Variants in TRPC7 observed in about 807,000 individuals in gnomAD.
TRPC7 encodes short transient receptor potential channel 7.
In TRPC7, 42 loss-of-function variants were observed where a neutral mutation model predicts 90.1. That is an observed-to-expected ratio of 0.47 (90% CI 0.36 to 0.60). The LOEUF (loss-of-function observed/expected upper bound fraction) is 0.60. Among genes scored for constraint, TRPC7 ranks in the 20% least tolerant of loss-of-function variants. The pLI, the probability that TRPC7 is intolerant of heterozygous loss-of-function variation, is 0.00. For synonymous variants in TRPC7, 451 were observed against 436.3 expected, an observed-to-expected ratio of 1.03 and a Z score of -0.42; for missense variants, 955 against 1,112.3, an observed-to-expected ratio of 0.86 and a Z score of 2.01.
chr5:136,222,942 G>T (rs1245682158), intron 10 of TRPC7, among the ~76,000 whole-genome samples: 2 of 152,184 alleles, frequency 1.3e-5, no homozygotes, highest in Admixed American at 1.3e-4. Context: ...CTGCATCCAG[G>T]TATCTTTTAG....
At chr5:136,346,255 A>T (rs535730370) in intron 2 of TRPC7, among the ~76,000 whole-genome samples, 20 of 152,280 alleles carry the variant, frequency 1.3e-4, no homozygotes, top group Middle Eastern at 3.4e-3. Flanking sequence ...ATAAAAAATT[A>T]AAAAAATGAA....
At chr5:136,230,319 C>T (rs1755776108) in intron 8 of TRPC7, among the ~76,000 whole-genome samples, 1 of 152,164 alleles carries the variant, frequency 6.6e-6, no homozygotes, top group Admixed American at 6.5e-5. Flanking sequence ...AGGAATTCCA[C>T]CCACCATGCC....
At chr5:136,236,377 TA>T (rs1755982225) in intron 7 of TRPC7, among the ~76,000 whole-genome samples, 1 of 152,230 alleles carries the variant, frequency 6.6e-6, no homozygotes, top group Non-Finnish European at 1.5e-5. Context: ...GTTTTTCTTC[TA>T]ATCTTCAAAG....
Position 136,356,873 on chromosome 5 carries a change from G to T in TRPC7, c.515C>A (p.Ala172Glu). 1 of 1,613,866 alleles carries T rather than the reference G, an allele frequency of 6.2e-7. No homozygotes were observed. The highest frequency in any genetic ancestry group is 8.5e-7 in the Non-Finnish European group (1 of 1,179,958). The change falls in exon 2 of 12, where the codon GCG (alanine) becomes GAG (glutamate). Residue 172 changes from alanine (A) to glutamate (E), a missense_variant. Around this residue, in one of 4 missense-constraint regions of TRPC7, gnomAD observed 484 missense variants for 509.6 expected, o/e 0.95. Coordinates refer to ENST00000513104, the MANE Select transcript of TRPC7 (RefSeq NM_020389.3). ...SHDITPIILA[A>E]HCQEYEIVHI... Reference sequence around the variant, plus strand: ...CACGATCTCATACTCCTGGCAGTGCGCCGCCAGGATGATGGGCGTGATGTC... The same window carrying T: ...CACGATCTCATACTCCTGGCAGTGCTCCGCCAGGATGATGGGCGTGATGTC...
chr5:136,316,058 G>T, intron 2 of TRPC7: 1 of 384,974 alleles, frequency 2.6e-6, no homozygotes, highest in Non-Finnish European at 4.7e-6. Context: ...TAAAGTTGCA[G>T]ATTCCCAGGT....
At chr5:136,363,148 G>A (rs1310123907) in intron 1 of TRPC7, among the ~76,000 whole-genome samples, 2 of 152,148 alleles carry the variant, frequency 1.3e-5, no homozygotes, top group African/African-American at 2.4e-5. Flanking sequence ...GCTAGATGAA[G>A]CAGCTAATAT....
chr5:136,261,019 CCTT>C (rs1378375847), intron 5 of TRPC7, among the ~76,000 whole-genome samples: 2 of 152,110 alleles, frequency 1.3e-5, no homozygotes, highest in African/African-American at 4.8e-5. Flanking sequence ...TGATACGAGG[CCTT>C]CTTGGAGGTG....
intron 7 of TRPC7, among the ~76,000 whole-genome samples, chr5:136,231,882 G>C (rs1580844005): frequency 1.3e-5 from 2 of 152,210 alleles, no homozygotes; most frequent in African/African-American, 4.8e-5. Context: ...TGGGATGACA[G>C]ATGTAAGCCA....
At chr5:136,316,823 C>A (rs972847870) in intron 2 of TRPC7, among the ~76,000 whole-genome samples, 1 of 152,186 alleles carries the variant, frequency 6.6e-6, no homozygotes, top group Non-Finnish European at 1.5e-5. Flanking sequence ...TACACAAGAG[C>A]CAAATGTCAC....
chr5:136,232,771 T>C (rs1755859070), intron 7 of TRPC7, among the ~76,000 whole-genome samples: 1 of 152,228 alleles, frequency 6.6e-6, no homozygotes, highest in Non-Finnish European at 1.5e-5. Context: ...TTGGGAGGTT[T>C]AGACCATGCA....
intron 10 of TRPC7, 121 bp downstream of exon 10, chr5:136,225,153 G>T: frequency 2.3e-6 from 2 of 851,908 alleles, no homozygotes; most frequent in Admixed American, 2.7e-5. Context: ...ATAAATATTT[G>T]TACAATAAAG....
At chr5:136,287,734 G>GA (rs1405465958) in intron 3 of TRPC7, among the ~76,000 whole-genome samples, 16 of 58,744 alleles carry the variant, frequency 2.7e-4, no homozygotes, top group East Asian at 9.1e-4. Flanking sequence ...AAAAAACCCA[G>GA]AAAAAAAAAA....
intron 7 of TRPC7, among the ~76,000 whole-genome samples, chr5:136,237,672 C>T (rs1756024496): frequency 6.6e-6 from 1 of 152,184 alleles, no homozygotes; most frequent in South Asian, 2.1e-4. Flanking sequence ...GTAATCTCCA[C>T]TTCATAGAAT....
intron 7 of TRPC7, among the ~76,000 whole-genome samples, chr5:136,246,071 G>C (rs944789537): frequency 1.3e-5 from 2 of 152,190 alleles, no homozygotes; most frequent in African/African-American, 2.4e-5. Flanking sequence ...CAGGCTTAGA[G>C]AGCTCCATCA....
intron 7 of TRPC7, among the ~76,000 whole-genome samples, chr5:136,243,408 C>A (rs916078099): frequency 6.6e-6 from 1 of 152,124 alleles, no homozygotes; most frequent in Non-Finnish European, 1.5e-5. Flanking sequence ...AGAATTGGGT[C>A]TGCCGAGTCT....
chr5:136,213,881 G>A (rs1280082178), intron 11 of TRPC7, among the ~76,000 whole-genome samples: 1 of 152,222 alleles, frequency 6.6e-6, no homozygotes, highest in Non-Finnish European at 1.5e-5. Context: ...TCAGGGCTGT[G>A]AATTGTGTCT....
chr5:136,278,420 C>A, intron 3 of TRPC7, among the ~76,000 whole-genome samples: 1 of 152,234 alleles, frequency 6.6e-6, no homozygotes. Flanking sequence ...TGACTCCCTG[C>A]ACTTCTGCAT....
intron 7 of TRPC7, among the ~76,000 whole-genome samples, chr5:136,245,303 C>G (rs184847711): frequency 6.6e-6 from 1 of 152,350 alleles, no homozygotes; most frequent in East Asian, 1.9e-4. Context: ...GACACACAAA[C>G]TACTTTGCTT....
At chr5:136,322,927 G>A (rs898276028) in intron 2 of TRPC7, among the ~76,000 whole-genome samples, 2 of 152,152 alleles carry the variant, frequency 1.3e-5, no homozygotes, top group African/African-American at 4.8e-5. Context: ...TGTGGCTTAT[G>A]TTCACATTCT....
Sources: allele counts gnomAD v4.1 joint callset (sites outside exome capture counted in the v4.1 genomes callset), GRCh38; gene constraint gnomAD v4.1.1; regional missense constraint gnomAD v4.1.1; transcripts MANE v1.5; gene names NCBI Gene and HGNC (gene_info 2026-07-23, HGNC 2026-07-21).